PIK3AP1: variants seen among roughly 807,000 people sequenced by gnomAD.
PIK3AP1 encodes the protein phosphoinositide 3-kinase adapter protein 1.
A neutral mutation model predicts 88.1 loss-of-function variants in PIK3AP1; 21 were observed. That is an observed-to-expected ratio of 0.24 (90% CI 0.17 to 0.34). PIK3AP1 has a LOEUF of 0.34. PIK3AP1 is among the 10% of genes least tolerant of loss of function. The probability of loss-of-function intolerance (pLI) is 1.00; values close to 1 mark genes in which losing one functional copy is unlikely to be tolerated. For missense variants in PIK3AP1, 828 were observed against 1,035.7 expected, an observed-to-expected ratio of 0.80 and a Z score of 2.75; for synonymous variants, 398 against 400.0, an observed-to-expected ratio of 1.00 and a Z score of 0.06.
At chr10:96,607,061 CA>C (rs1849015106) in intron 14 of PIK3AP1, among the ~76,000 whole-genome samples, 2 of 152,204 alleles carry the variant, frequency 1.3e-5, no homozygotes, top group Admixed American at 1.3e-4. Context: ...TAGTTATAAC[CA>C]GATTTAACCT....
intron 16 of PIK3AP1, 22 bp downstream of exon 16, chr10:96,602,258 T>G (rs1199013506): frequency 1.9e-6 from 3 of 1,559,552 alleles, no homozygotes; most frequent in Non-Finnish European, 2.6e-6. Flanking sequence ...AGGGAAAAAT[T>G]TCATATCAGT....
chr10:96,648,907 G>A (rs1194831897), intron 6 of PIK3AP1, 52 bp from the exon 7 acceptor site: 1 of 1,449,196 alleles, frequency 6.9e-7, no homozygotes, highest in Non-Finnish European at 9.2e-7. Context: ...AAGGCACAGG[G>A]TGCCCTTGTT....
chr10:96,613,173 AT>A (rs1271833692), intron 13 of PIK3AP1, among the ~76,000 whole-genome samples: 5 of 150,818 alleles, frequency 3.3e-5, no homozygotes, highest in Admixed American at 1.3e-4. Flanking sequence ...TAATTTTTGT[AT>A]TTTTGGTAGA....
In PIK3AP1 at chr10:96,651,230, G is replaced by T. The variant is rs1201282871; in HGVS notation, c.988+18C>A. The T allele has an allele frequency of 6.2e-7, 1 of 1,614,054 alleles. No homozygotes were observed. The highest frequency in any genetic ancestry group is 8.5e-7 in the Non-Finnish European group (1 of 1,180,010). ...AATCAGCCCACGTTGGTTTCCTGAG[G>T]TTTGACTGTCAACTTACTTGTCATC... On this transcript the variant is annotated intron_variant, in intron 6 of 16. Coordinates refer to ENST00000339364, the MANE Select transcript of PIK3AP1 (RefSeq NM_152309.3).
At chr10:96,655,349 C>CA (rs1036858431) in intron 3 of PIK3AP1, among the ~76,000 whole-genome samples, 2 of 151,696 alleles carry the variant, frequency 1.3e-5, no homozygotes, top group African/African-American at 2.4e-5. Context: ...ACTAAAAATA[C>CA]AAAAAAAATT....
At chr10:96,636,630 T>G (rs1333953030) in intron 8 of PIK3AP1, among the ~76,000 whole-genome samples, 1 of 152,218 alleles carries the variant, frequency 6.6e-6, no homozygotes, top group African/African-American at 2.4e-5. Flanking sequence ...ACTTCATGAC[T>G]TGCAAATTAA....
chr10:96,700,484 A>AT lies in PIK3AP1; in HGVS notation c.430+9082_430+9083insA, dbSNP rs1172552651. Among the ~76,000 whole-genome samples the AT allele has an allele frequency of 3.3e-5, 5 of 152,214 alleles. No homozygotes were observed. The East Asian group carries it at 9.6e-4, about 29-fold the overall frequency. ...AGGGGAAACCCCAAGTGACTCTTGGACAGGCTGTAGCTTTTTAGTGACATT... is the reference window on the plus strand; with the variant it reads ...AGGGGAAACCCCAAGTGACTCTTGGATCAGGCTGTAGCTTTTTAGTGACATT... On this transcript the variant is annotated intron_variant, in intron 2 of 16. Transcript: ENST00000339364.
At position 96,616,670 on chromosome 10, in the gene PIK3AP1, C is replaced by T. The variant is rs769002190; in HGVS notation, c.1983G>A (p.Gln661=). ...KRLRDSITRR[Q]REKQKSGKQT... is the part of the protein sequence containing the mutation. Reference sequence around the variant, plus strand: ...GCTTTCCTGATTTTTGCTTCTCTCTCTGTCTTCGGGTGATGCTGTCTCTTA... The same window carrying T: ...GCTTTCCTGATTTTTGCTTCTCTCTTTGTCTTCGGGTGATGCTGTCTCTTA... Residue 661 remains glutamine, a synonymous_variant, in exon 13 of 17, where the codon CAG becomes CAA. Transcript: ENST00000339364. 2 of 1,614,208 alleles carry T rather than the reference C, an allele frequency of 1.2e-6. No individual in the cohort carries two copies. Among genetic ancestry groups the T allele is most frequent in the East Asian group, 4.5e-5 (2 of 44,890 alleles).
intron 1 of PIK3AP1, among the ~76,000 whole-genome samples, chr10:96,710,923 C>A (rs1181222787): frequency 2.0e-5 from 3 of 152,188 alleles, no homozygotes; most frequent in South Asian, 4.1e-4. Flanking sequence ...CTGGTGTCAT[C>A]ATCCTCACAT....
chr10:96,670,043 C>A (rs1318084740), intron 2 of PIK3AP1, among the ~76,000 whole-genome samples: 1 of 151,434 alleles, frequency 6.6e-6, no homozygotes, highest in South Asian at 2.1e-4. Context: ...GGCGTGGTGG[C>A]ACGCGCCTGT....
intron 16 of PIK3AP1, among the ~76,000 whole-genome samples, chr10:96,601,772 A>T (rs1333004536): frequency 6.6e-6 from 1 of 152,250 alleles, no homozygotes; most frequent in African/African-American, 2.4e-5. Context: ...TATTTCATTT[A>T]TGAAACATTG....
In PIK3AP1 at chr10:96,657,837, G is replaced by T. The variant is rs1447196241; in HGVS notation, c.431-903C>A. 8.1e-4 allele frequency among the ~76,000 whole-genome samples: 123 copies of T among 152,204 alleles called. 1 individual carries two copies. The highest frequency in any genetic ancestry group is 3.4e-3 in the Middle Eastern group (1 of 292). On this transcript the variant is annotated intron_variant, in intron 2 of 16. Coordinates refer to ENST00000339364, the MANE Select transcript of PIK3AP1 (RefSeq NM_152309.3). ...CCAGCACTTTGGGAGGCCAAGGAAGGCGGATCACCTGAGGTCAGGAGTTTG... is the reference window on the plus strand; with the variant it reads ...CCAGCACTTTGGGAGGCCAAGGAAGTCGGATCACCTGAGGTCAGGAGTTTG...
At chr10:96,613,152 C>T (rs1369226952) in intron 13 of PIK3AP1, among the ~76,000 whole-genome samples, 1 of 151,508 alleles carries the variant, frequency 6.6e-6, no homozygotes, top group African/African-American at 2.4e-5. Flanking sequence ...GCGCATGCCA[C>T]CACACCCAGC....
At chr10:96,665,012 C>G (rs1415316651) in intron 2 of PIK3AP1, among the ~76,000 whole-genome samples, 1 of 143,570 alleles carries the variant, frequency 7.0e-6, no homozygotes, top group Non-Finnish European at 1.6e-5. Context: ...TCTTGGACCA[C>G]TTCCCGCTTT....
chr10:96,642,438 A>AC (rs1564966678), intron 8 of PIK3AP1, among the ~76,000 whole-genome samples: 2 of 138,848 alleles, frequency 1.4e-5, no homozygotes, highest in African/African-American at 5.2e-5. Context: ...AAAAAAAAAA[A>AC]AAAAACAGAA....
At chr10:96,665,572 G>A (rs892312526) in intron 2 of PIK3AP1, among the ~76,000 whole-genome samples, 2 of 152,170 alleles carry the variant, frequency 1.3e-5, no homozygotes, top group African/African-American at 2.4e-5. Flanking sequence ...CCTTAGATAC[G>A]TTCTTTATGA....
At chr10:96,696,579 A>G (rs1480949466) in intron 2 of PIK3AP1, among the ~76,000 whole-genome samples, 1 of 152,242 alleles carries the variant, frequency 6.6e-6, no homozygotes. Context: ...AGGGAAATTA[A>G]CAAACCCATT....
At chr10:96,692,536 C>T (rs1338922455) in intron 2 of PIK3AP1, among the ~76,000 whole-genome samples, 1 of 151,142 alleles carries the variant, frequency 6.6e-6, no homozygotes, top group Non-Finnish European at 1.5e-5. Context: ...ATCGCCACTG[C>T]ACTCCAGCTT....
chr10:96,641,883 G>A (rs1211197449), intron 8 of PIK3AP1, among the ~76,000 whole-genome samples: 1 of 152,174 alleles, frequency 6.6e-6, no homozygotes, highest in Non-Finnish European at 1.5e-5. Context: ...GCTGGGCGGT[G>A]CTGCAAATAC....
Sources: gnomAD v4.1 joint callset for allele counts (sites outside exome capture counted in the v4.1 genomes callset) on GRCh38, gnomAD v4.1.1 for gene constraint, MANE v1.5 for transcripts, NCBI Gene and HGNC (gene_info 2026-07-23, HGNC 2026-07-21) for gene names.